Variants in SAMD3 observed in about 807,000 individuals in gnomAD.
SAMD3 encodes sterile alpha motif domain containing 3.
A neutral mutation model predicts 58.5 loss-of-function variants in SAMD3; 63 were observed. The ratio of observed to expected loss-of-function variants is 1.08; its 90% CI spans 0.88 to 1.33. The LOEUF (loss-of-function observed/expected upper bound fraction) is 1.33, where lower values mean the gene tolerates loss of function less well. Ranked by LOEUF, SAMD3 falls within the 40% of genes most tolerant of loss-of-function variation. The pLI, the probability that SAMD3 is intolerant of heterozygous loss-of-function variation, is 0.00. For synonymous variants in SAMD3, 220 were observed against 210.3 expected (o/e 1.05, Z -0.40); for missense variants, 604 against 608.4 (o/e 0.99, Z 0.08).
chr6:130,169,188 C>T (rs1270100789), intron 8 of SAMD3, among the ~76,000 whole-genome samples: 1 of 152,022 alleles, frequency 6.6e-6, no homozygotes, highest in Non-Finnish European at 1.5e-5. Context: ...TTGGTAATCA[C>T]TCTGAAAAAT....
At chr6:130,244,805 T>A (rs1342531943) in intron 2 of SAMD3, among the ~76,000 whole-genome samples, 1 of 151,850 alleles carries the variant, frequency 6.6e-6, no homozygotes, top group Non-Finnish European at 1.5e-5. Context: ...AGTGTGCAGA[T>A]GCCATAGGGT....
chr6:130,192,962 A>C (rs1793694555), intron 5 of SAMD3, among the ~76,000 whole-genome samples: 1 of 151,778 alleles, frequency 6.6e-6, no homozygotes, highest in African/African-American at 2.4e-5. Context: ...CCTTCTTTTA[A>C]TTTCAATTCC....
At chr6:130,249,345 T>G (rs942267376) in intron 2 of SAMD3, among the ~76,000 whole-genome samples, 1 of 152,164 alleles carries the variant, frequency 6.6e-6, no homozygotes, top group East Asian at 1.9e-4. Flanking sequence ...TTTTTTTTCT[T>G]GAATACATCC....
intron 5 of SAMD3, among the ~76,000 whole-genome samples, chr6:130,189,584 C>G (rs1372789629): frequency 6.6e-6 from 1 of 152,172 alleles, no homozygotes; most frequent in Non-Finnish European, 1.5e-5. Context: ...ATTTTTCACT[C>G]CTAAGTGTCA....
At chr6:130,326,786 G>A (rs765474876) in intron 1 of SAMD3, among the ~76,000 whole-genome samples, 21 of 152,132 alleles carry the variant, frequency 1.4e-4, no homozygotes, top group Non-Finnish European at 2.8e-4. Context: ...CTGGGCATGG[G>A]TACTAGTCCC....
intron 8 of SAMD3, among the ~76,000 whole-genome samples, chr6:130,155,670 C>A (rs1029135781): frequency 6.6e-6 from 1 of 152,234 alleles, no homozygotes; most frequent in East Asian, 1.9e-4. Flanking sequence ...GTCAGCTGAA[C>A]TGCATGCAAA....
intron 1 of SAMD3, among the ~76,000 whole-genome samples, chr6:130,357,584 T>C (rs1047150130): frequency 2.6e-5 from 4 of 152,198 alleles, no homozygotes; most frequent in African/African-American, 9.6e-5. Flanking sequence ...TATTTTTGCA[T>C]AGGGGATAAT....
At chr6:130,335,136 G>A (rs980804931) in intron 1 of SAMD3, among the ~76,000 whole-genome samples, 1 of 152,180 alleles carries the variant, frequency 6.6e-6, no homozygotes, top group East Asian at 1.9e-4. Flanking sequence ...TGAGCCAAGT[G>A]GTCAGCAGGC....
intron 1 of SAMD3, among the ~76,000 whole-genome samples, chr6:130,218,676 C>T (rs1796101962): frequency 6.6e-6 from 1 of 152,124 alleles, no homozygotes; most frequent in Admixed American, 6.5e-5. Flanking sequence ...CTTTAGAAAG[C>T]ACTCTGGGGC....
In SAMD3 at chr6:130,261,935, C is replaced by T. The variant is rs773951615; in HGVS notation, c.-187-39122G>A. ...TCAAAGAACTGCATTATAAGCCAGG[C>T]AGAGAGAGACAGAGAGAGAGACAGA... On this transcript the variant is annotated intron_variant, in intron 2 of 13. Coordinates refer to the SAMD3 transcript ENST00000368134. Among the ~76,000 whole-genome samples, 125 of 150,698 alleles carry T rather than the reference C, an allele frequency of 8.3e-4. 1 individual carries two copies. Among genetic ancestry groups the T allele is most frequent in the Non-Finnish European group, 2.1e-4 (14 of 67,816 alleles).
chr6:130,270,463 T>C (rs1774519509), intron 2 of SAMD3, among the ~76,000 whole-genome samples: 1 of 152,204 alleles, frequency 6.6e-6, no homozygotes, highest in African/African-American at 2.4e-5. Flanking sequence ...TGTGATGTTT[T>C]CTAGGACGTC....
chr6:130,199,538 A>G (rs560817194), intron 5 of SAMD3, among the ~76,000 whole-genome samples: 2 of 152,342 alleles, frequency 1.3e-5, no homozygotes, highest in African/African-American at 2.4e-5. Context: ...AATAGGGAAC[A>G]AACTTTACCA....
At chr6:130,280,141 A>G (rs936106572) in intron 2 of SAMD3, among the ~76,000 whole-genome samples, 1 of 152,052 alleles carries the variant, frequency 6.6e-6, no homozygotes, top group African/African-American at 2.4e-5. Flanking sequence ...AGCTACTTCT[A>G]CTTTTAAAAG....
At chr6:130,256,528 AT>A (rs1002683005) in intron 2 of SAMD3, among the ~76,000 whole-genome samples, 3 of 152,020 alleles carry the variant, frequency 2.0e-5, no homozygotes, top group East Asian at 1.9e-4. Context: ...CTTGGAAGCA[AT>A]TTTTTTTCTT....
At position 130,184,636 on chromosome 6, in the gene SAMD3, A is replaced by C. The variant is rs761895013; in HGVS notation, c.384-13T>G. The C allele has an allele frequency of 6.3e-7, 1 of 1,593,836 alleles. No homozygotes were observed. Among genetic ancestry groups the C allele is most frequent in the Non-Finnish European group, 8.6e-7 (1 of 1,166,160 alleles). On this transcript the variant is annotated splice_polypyrimidine_tract_variant and intron_variant, in intron 5 of 11. Coordinates refer to ENST00000439090, the MANE Select transcript of SAMD3 (RefSeq NM_001017373.4). ...TTTCACATTTCTTCTGTGAAATAAA[A>C]ACACACAAAGAATGAAATTCTATTC...
chr6:130,165,908 C>T (rs997345321), intron 8 of SAMD3, among the ~76,000 whole-genome samples: 12 of 152,126 alleles, frequency 7.9e-5, no homozygotes, highest in Non-Finnish European at 1.3e-4. Context: ...GGATGAACAT[C>T]GAGCTATGAT....
At chr6:130,365,766 G>C, upstream of SAMD3, 1 of 985,448 alleles carries the variant, frequency 1.0e-6, no homozygotes, top group Non-Finnish European at 1.2e-6. Flanking sequence ...GGTGATTTGG[G>C]CTCTCGAAGT....
At chr6:130,213,073 AG>A (rs1425929375) in intron 4 of SAMD3, among the ~76,000 whole-genome samples, 5 of 152,274 alleles carry the variant, frequency 3.3e-5, no homozygotes, top group Non-Finnish European at 7.4e-5. Flanking sequence ...GCTTGAGGCC[AG>A]GAGTTGGAGA....
At chr6:130,251,825 A>G (rs1773747321) in intron 2 of SAMD3, among the ~76,000 whole-genome samples, 1 of 152,122 alleles carries the variant, frequency 6.6e-6, no homozygotes, top group Admixed American at 6.6e-5. Flanking sequence ...CTTATTTTTC[A>G]AGATTGTTTT....
Sources: gnomAD v4.1 joint callset for allele counts (sites outside exome capture counted in the v4.1 genomes callset) on GRCh38, gnomAD v4.1.1 for gene constraint, MANE v1.5 for transcripts, NCBI Gene and HGNC (gene_info 2026-07-23, HGNC 2026-07-21) for gene names.